CLSTN2: variants seen among roughly 807,000 people sequenced by gnomAD.
The protein encoded by CLSTN2 is calsyntenin 2, also known as calsyntenin-2.
CLSTN2 carries 48 observed loss-of-function variants against 101.2 expected under a neutral mutation model. The ratio of observed to expected loss-of-function variants is 0.47; its 90% CI spans 0.38 to 0.60. CLSTN2 has a LOEUF of 0.60. CLSTN2 is among the 20% of genes least tolerant of loss of function. The pLI is 0.00. For missense variants in CLSTN2, 1,160 were observed against 1,238.2 expected (o/e 0.94, Z 0.95); for synonymous variants, 481 against 463.6 (o/e 1.04, Z -0.48).
intron 2 of CLSTN2, among the ~76,000 whole-genome samples, chr3:140,402,777 G>A (rs2088258263): frequency 6.6e-6 from 1 of 152,210 alleles, no homozygotes; most frequent in Admixed American, 6.5e-5. Context: ...GGATGACACA[G>A]TAGAGGCCCA....
chr3:140,277,424 G>A (rs1336054592), intron 2 of CLSTN2, among the ~76,000 whole-genome samples: 2 of 152,132 alleles, frequency 1.3e-5, no homozygotes, highest in African/African-American at 4.8e-5. Flanking sequence ...AGTTGCACTG[G>A]GCCTGAGACA....
At chr3:140,326,950 A>G (rs1000456710) in intron 2 of CLSTN2, among the ~76,000 whole-genome samples, 5 of 152,220 alleles carry the variant, frequency 3.3e-5, no homozygotes, top group Admixed American at 2.0e-4. Context: ...TAAGATTAAT[A>G]CCAACTGTTT....
intron 2 of CLSTN2, among the ~76,000 whole-genome samples, chr3:140,275,292 TG>T (rs1307853454): frequency 6.7e-6 from 1 of 149,696 alleles, no homozygotes; most frequent in Non-Finnish European, 1.5e-5. Flanking sequence ...TTTTTTTAAG[TG>T]AGGAGGTCTC....
chr3:140,442,210 A>C (rs1423880719), intron 5 of CLSTN2, among the ~76,000 whole-genome samples: 2 of 151,972 alleles, frequency 1.3e-5, no homozygotes, highest in Non-Finnish European at 2.9e-5. Context: ...CTCACTTTTC[A>C]TATGCACTCC....
At position 140,403,690 on chromosome 3, in the gene CLSTN2, C is replaced by T; in HGVS notation, c.294C>T (p.Asn98=). 5 of 1,614,188 alleles carry T rather than the reference C, an allele frequency of 3.1e-6. No homozygotes were observed. The highest frequency in any genetic ancestry group is 1.7e-5 in the Admixed American group (1 of 60,024). Reference sequence around the variant, plus strand: ...TGCCCTTTGAGGCTGTGGTGCTCAACAAGACATCAGGAGAGGGCCGGCTCC... The same window carrying T: ...TGCCCTTTGAGGCTGTGGTGCTCAATAAGACATCAGGAGAGGGCCGGCTCC... ...QELPFEAVVL[N]KTSGEGRLRA... Residue 98 remains asparagine (N), a synonymous_variant, in exon 3 of 17, where the codon AAC becomes AAT. Coordinates refer to ENST00000458420, the MANE Select transcript of CLSTN2 (RefSeq NM_022131.3).
chr3:139,976,514 C>T (rs1935821428), intron 1 of CLSTN2, among the ~76,000 whole-genome samples: 1 of 152,230 alleles, frequency 6.6e-6, no homozygotes, highest in African/African-American at 2.4e-5. Context: ...CTTTAAACAA[C>T]TTGCCCCAAG....
At chr3:140,360,027 CATATAT>C (rs58715111) in intron 2 of CLSTN2, among the ~76,000 whole-genome samples, 1 of 145,300 alleles carries the variant, frequency 6.9e-6, no homozygotes, top group Non-Finnish European at 1.5e-5. Flanking sequence ...CACACACACA[CATATAT>C]ATATATAGTT....
intron 2 of CLSTN2, among the ~76,000 whole-genome samples, chr3:140,362,356 C>T (rs1402979390): frequency 2.6e-5 from 4 of 151,950 alleles, no homozygotes; most frequent in Non-Finnish European, 4.4e-5. Flanking sequence ...ACAATAAAAC[C>T]TATAGACTAA....
intron 8 of CLSTN2, among the ~76,000 whole-genome samples, chr3:140,518,233 G>A (rs954353054): frequency 5.3e-5 from 8 of 152,216 alleles, no homozygotes; most frequent in African/African-American, 1.4e-4. Flanking sequence ...TGCCAGCTGA[G>A]AAAGCAAGCA....
At position 140,205,973 on chromosome 3, in the gene CLSTN2, G is replaced by A. The variant is rs2010776984; in HGVS notation, c.232+29900G>A. On this transcript the variant is annotated intron_variant, in intron 2 of 16. Coordinates refer to ENST00000458420, the MANE Select transcript of CLSTN2 (RefSeq NM_022131.3). ...GCTCCATCTTCTCTATTCCCAAAAA[G>A]CACAGGAGCTCTCTACACTAGAAAG... Among the ~76,000 whole-genome samples, 4 of 152,162 alleles carry A rather than the reference G, an allele frequency of 2.6e-5. No homozygotes were observed. In the Middle Eastern group the frequency reaches 0.01, roughly 388 times the overall value.
intron 4 of CLSTN2, among the ~76,000 whole-genome samples, chr3:140,408,426 TG>T (rs1319687618): frequency 2.6e-4 from 40 of 152,152 alleles, no homozygotes; most frequent in African/African-American, 9.7e-4. Context: ...CCCTAGTGAC[TG>T]CTCTGCATGG....
At chr3:140,391,017 G>T (rs2088108156) in intron 2 of CLSTN2, among the ~76,000 whole-genome samples, 2 of 152,192 alleles carry the variant, frequency 1.3e-5, no homozygotes, top group Non-Finnish European at 2.9e-5. Context: ...ATGGGCAGCA[G>T]TTCTGGTCTC....
intron 8 of CLSTN2, chr3:140,508,570 G>A (rs1934730283): frequency 6.6e-6 from 1 of 152,202 alleles, no homozygotes; most frequent in African/African-American, 2.4e-5. Context: ...CCTATTTGGA[G>A]GCAAGCGATC....
intron 10 of CLSTN2, among the ~76,000 whole-genome samples, chr3:140,548,173 G>A (rs952676022): frequency 1.3e-5 from 2 of 152,122 alleles, no homozygotes; most frequent in African/African-American, 2.4e-5. Flanking sequence ...TTCCATAATC[G>A]TTCCATGGAT....
chr3:140,485,859 C>T (rs1051623164), intron 8 of CLSTN2, among the ~76,000 whole-genome samples: 7 of 152,168 alleles, frequency 4.6e-5, no homozygotes, highest in Non-Finnish European at 1.0e-4. Context: ...CCGTCTGTCA[C>T]CCCTTTCTTT....
At chr3:140,554,273 G>T (rs1480267525) in intron 10 of CLSTN2, among the ~76,000 whole-genome samples, 1 of 152,128 alleles carries the variant, frequency 6.6e-6, no homozygotes, top group Non-Finnish European at 1.5e-5. Context: ...GGATTTAGGT[G>T]GTTCAGTGTC....
intron 2 of CLSTN2, 94 bp downstream of exon 2, chr3:140,176,167 GTCACCACCCTGTGCATC>G: frequency 7.3e-7 from 1 of 1,368,782 alleles, no homozygotes; most frequent in Non-Finnish European, 1.0e-6. Flanking sequence ...TATAGCTATT[GTCACCACCCTGTGCATC>G]TCTAGATCAG....
chr3:140,564,542 C>G (rs1043947768), intron 16 of CLSTN2, among the ~76,000 whole-genome samples: 1 of 152,198 alleles, frequency 6.6e-6, no homozygotes, highest in East Asian at 1.9e-4. Flanking sequence ...TTGCTCTACA[C>G]TGCCTGAAGA....
intron 2 of CLSTN2, among the ~76,000 whole-genome samples, chr3:140,212,855 G>A (rs2010875074): frequency 6.6e-6 from 1 of 152,154 alleles, no homozygotes; most frequent in Non-Finnish European, 1.5e-5. Context: ...TGTGCTCCAT[G>A]CCTGAGCTGT....
Sources: gnomAD v4.1 joint callset for allele counts (sites outside exome capture counted in the v4.1 genomes callset) on GRCh38, gnomAD v4.1.1 for gene constraint, MANE v1.5 for transcripts, NCBI Gene and HGNC (gene_info 2026-07-23, HGNC 2026-07-21) for gene names.